The following SAMD4A variants were observed in gnomAD, a reference collection of about 807,000 sequenced individuals.
The protein encoded by SAMD4A is sterile alpha motif domain containing 4A.
A neutral mutation model predicts 81.3 loss-of-function variants in SAMD4A; 33 were observed. The observed-to-expected ratio is 0.41, with a 90% CI of 0.31 to 0.54. SAMD4A has a LOEUF of 0.54. Among genes scored for constraint, SAMD4A ranks in the 20% least tolerant of loss-of-function variants. The pLI, the probability that SAMD4A is intolerant of heterozygous loss-of-function variation, is 0.37. For missense variants in SAMD4A, 854 were observed against 951.1 expected, an observed-to-expected ratio of 0.90 and a Z score of 1.34; for synonymous variants, 389 against 382.1, an observed-to-expected ratio of 1.02 and a Z score of -0.21.
rs996310961 is a variant in SAMD4A, at chr14:54,625,321, G to T, written c.196+57209G>T. ...GATCGAAAGCTCTCTGACTTGCTGC[G>T]CAATTACTCCTATGTTTCTGCATTT... is the stretch of plus-strand genomic sequence containing the variant. On this transcript the variant is annotated intron_variant, in intron 2 of 12. Coordinates refer to ENST00000554335, the MANE Select transcript of SAMD4A (RefSeq NM_015589.6). Among the ~76,000 whole-genome samples, 10 of 152,184 alleles carry T rather than the reference G, an allele frequency of 6.6e-5. No individual in the cohort carries two copies. In the East Asian group the frequency reaches 1.7e-3, roughly 26 times the overall value.
chr14:54,590,382 T>C (rs2033743054), intron 2 of SAMD4A, among the ~76,000 whole-genome samples: 1 of 152,104 alleles, frequency 6.6e-6, no homozygotes, highest in Non-Finnish European at 1.5e-5. Flanking sequence ...CCGCAGCTAC[T>C]TGAGAGGCTG....
rs35522398 is a variant in SAMD4A at position 54,713,325 on chromosome 14, G to C, written c.715+10745G>C. 3.3e-3 allele frequency among the ~76,000 whole-genome samples: 496 copies of C among 151,988 alleles called. 5 individuals carry two copies. Among genetic ancestry groups the C allele is most frequent in the South Asian group, 0.022 (106 of 4,826 alleles). ...ACTGTTAAACACTAAATCTCATTCC[G>C]GCCATCTCCCATCCCCACCCCAGCT... On this transcript the variant is annotated intron_variant, in intron 3 of 12. Coordinates refer to ENST00000554335, the MANE Select transcript of SAMD4A (RefSeq NM_015589.6).
At chr14:54,665,738 C>T (rs571148078) in intron 2 of SAMD4A, among the ~76,000 whole-genome samples, 2 of 152,284 alleles carry the variant, frequency 1.3e-5, no homozygotes, top group African/African-American at 2.4e-5. Flanking sequence ...TCTTCTCTAA[C>T]CATCCCTAAT....
intron 11 of SAMD4A, among the ~76,000 whole-genome samples, chr14:54,780,485 G>A (rs1044112519): frequency 6.6e-6 from 1 of 152,142 alleles, no homozygotes; most frequent in African/African-American, 2.4e-5. Context: ...GTGTGGAAGG[G>A]GCTGCCATGC....
At chr14:54,746,098 A>G (rs1259356582) in intron 4 of SAMD4A, among the ~76,000 whole-genome samples, 2 of 152,246 alleles carry the variant, frequency 1.3e-5, no homozygotes, top group African/African-American at 4.8e-5. Context: ...TGAAATGGTC[A>G]AGGCTCTTGC....
intron 7 of SAMD4A, among the ~76,000 whole-genome samples, chr14:54,761,987 A>G (rs945863958): frequency 1.3e-5 from 2 of 152,210 alleles, no homozygotes; most frequent in African/African-American, 4.8e-5. Context: ...CACAGTGCTT[A>G]CAGTAGATGC....
At chr14:54,665,694 T>A (rs2035743506) in intron 2 of SAMD4A, among the ~76,000 whole-genome samples, 1 of 152,210 alleles carries the variant, frequency 6.6e-6, no homozygotes, top group Non-Finnish European at 1.5e-5. Context: ...TCCTCAATCC[T>A]CATTAATTCC....
intron 2 of SAMD4A, among the ~76,000 whole-genome samples, chr14:54,664,948 T>G (rs906231933): frequency 2.0e-5 from 3 of 152,146 alleles, no homozygotes; most frequent in African/African-American, 7.2e-5. Flanking sequence ...CAGGTTGTAG[T>G]GAAACAAATC....
At chr14:54,664,182 T>C (rs1473020743) in intron 2 of SAMD4A, among the ~76,000 whole-genome samples, 1 of 152,180 alleles carries the variant, frequency 6.6e-6, no homozygotes, top group Non-Finnish European at 1.5e-5. Context: ...TTTGGGTTTT[T>C]TTTCTCTTCT....
At chr14:54,661,188 T>G (rs958818767) in intron 2 of SAMD4A, among the ~76,000 whole-genome samples, 1 of 152,262 alleles carries the variant, frequency 6.6e-6, no homozygotes, top group Non-Finnish European at 1.5e-5. Context: ...TAGAAAAGTG[T>G]GATTCAAATC....
At chr14:54,594,663 A>G (rs921429532) in intron 2 of SAMD4A, among the ~76,000 whole-genome samples, 1 of 152,234 alleles carries the variant, frequency 6.6e-6, no homozygotes, top group African/African-American at 2.4e-5. Flanking sequence ...TCACTGAATC[A>G]GATTTAATTG....
intron 3 of SAMD4A, among the ~76,000 whole-genome samples, chr14:54,705,034 A>T (rs11625890): frequency 6.6e-6 from 1 of 152,172 alleles, no homozygotes; most frequent in South Asian, 2.1e-4. Flanking sequence ...AGCTTGGCCA[A>T]GTAATTTAAC....
intron 2 of SAMD4A, among the ~76,000 whole-genome samples, chr14:54,590,457 C>CTCCA (rs1360972320): frequency 6.6e-6 from 1 of 152,180 alleles, no homozygotes; most frequent in East Asian, 1.9e-4. Context: ...TGCCACTGAA[C>CTCCA]TCCAGCCTGA....
intron 2 of SAMD4A, among the ~76,000 whole-genome samples, chr14:54,634,769 C>CT (rs2034993439): frequency 1.3e-5 from 2 of 152,042 alleles, no homozygotes; most frequent in Non-Finnish European, 1.5e-5. Flanking sequence ...GTCTATCTAT[C>CT]TATCTATCTA....
At chr14:54,776,129 A>T (rs2038840512) in intron 10 of SAMD4A, among the ~76,000 whole-genome samples, 1 of 152,222 alleles carries the variant, frequency 6.6e-6, no homozygotes, top group African/African-American at 2.4e-5. Context: ...GAAAAAGCAA[A>T]AGCAACAAAT....
chr14:54,760,582 T>C (rs1426949263), intron 7 of SAMD4A, 88 bp downstream of exon 7: 1 of 1,353,668 alleles, frequency 7.4e-7, no homozygotes, highest in East Asian at 3.1e-5. Flanking sequence ...GGGTGCTGGA[T>C]AAATTCCCTG....
At chr14:54,695,270 G>A (rs961183147) in intron 2 of SAMD4A, among the ~76,000 whole-genome samples, 4 of 152,226 alleles carry the variant, frequency 2.6e-5, no homozygotes, top group Non-Finnish European at 5.9e-5. Flanking sequence ...GCCTGGCTGG[G>A]AAGCTCTGCC....
chr14:54,713,635 G>A (rs1336670700), intron 3 of SAMD4A, among the ~76,000 whole-genome samples: 1 of 152,184 alleles, frequency 6.6e-6, no homozygotes, highest in African/African-American at 2.4e-5. Context: ...TTGTTTCACA[G>A]CCAGCCTTTC....
intron 2 of SAMD4A, 122 bp downstream of exon 2, chr14:54,568,234 T>C (rs3742559): frequency 0.21 from 193,939 of 916,120 alleles, 26,384 homozygotes; most frequent in East Asian, 0.53. Flanking sequence ...CTGGACGGCG[T>C]GGCCCCGAGG....
Sources: allele counts gnomAD v4.1 joint callset (sites outside exome capture counted in the v4.1 genomes callset), GRCh38; gene constraint gnomAD v4.1.1; transcripts MANE v1.5; gene names NCBI Gene and HGNC (gene_info 2026-07-23, HGNC 2026-07-21).